ARL15: variants seen among roughly 807,000 people sequenced by gnomAD.
The protein encoded by ARL15 is ADP-ribosylation factor-like protein 15.
Under a neutral mutation model 25.2 loss-of-function variants are expected in ARL15, and 19 were observed. The observed-to-expected ratio is 0.75, with a 90% confidence interval of 0.53 to 1.10. The LOEUF (loss-of-function observed/expected upper bound fraction) is 1.10, where lower values mean the gene tolerates loss of function less well. Among genes scored for constraint, ARL15 ranks in the 50% least tolerant of loss-of-function variants. The pLI, the probability that ARL15 is intolerant of heterozygous loss-of-function variation, is 0.00. For synonymous variants in ARL15, 94 were observed against 86.8 expected, an observed-to-expected ratio of 1.08 and a Z score of -0.46; for missense variants, 220 against 246.0, an observed-to-expected ratio of 0.89 and a Z score of 0.71.
chr5:53,977,905 T>C (rs1047808316), intron 4 of ARL15, among the ~76,000 whole-genome samples: 1 of 149,514 alleles, frequency 6.7e-6, no homozygotes, highest in South Asian at 2.2e-4. Flanking sequence ...TTTTATAAAG[T>C]ATTTTATGTT....
intron 3 of ARL15, among the ~76,000 whole-genome samples, chr5:54,143,420 CT>C (rs1753822441): frequency 6.6e-6 from 1 of 151,232 alleles, no homozygotes; most frequent in African/African-American, 2.4e-5. Flanking sequence ...TTTTTATGGC[CT>C]TTTTTAAGGG....
intron 4 of ARL15, among the ~76,000 whole-genome samples, chr5:53,990,266 AT>A (rs1748441283): frequency 1.3e-5 from 2 of 151,948 alleles, no homozygotes; most frequent in Non-Finnish European, 2.9e-5. Context: ...AACACATCAT[AT>A]TGCTACAAAG....
chr5:53,923,797 G>A (rs1370894195), intron 4 of ARL15, among the ~76,000 whole-genome samples: 4 of 152,170 alleles, frequency 2.6e-5, no homozygotes, highest in South Asian at 2.1e-4. Context: ...CCCAGGAGGC[G>A]GAGTTTGCAG....
chr5:54,061,743 G>T lies in ARL15; in HGVS notation c.462+51459C>A, dbSNP rs545275023. 3.9e-5 allele frequency among the ~76,000 whole-genome samples: 6 copies of T among 152,308 alleles called. No homozygotes were observed. In the East Asian group the frequency reaches 1.2e-3, roughly 29 times the overall value. On this transcript the variant is annotated intron_variant, in intron 4 of 4. Coordinates refer to ENST00000504924, the MANE Select transcript of ARL15 (RefSeq NM_019087.3). The stretch of plus-strand genomic sequence containing the variant: ...GCTCTCATGGAGAACCTCTGCTAGG[G>T]CAGTGCAGAAGGGAAATGTGGGCTT...
At chr5:54,075,874 A>T (rs1216013618) in intron 4 of ARL15, among the ~76,000 whole-genome samples, 1 of 152,208 alleles carries the variant, frequency 6.6e-6, no homozygotes, top group Non-Finnish European at 1.5e-5. Flanking sequence ...AAATGTGGTA[A>T]AATGAAGAGT....
At chr5:54,048,364 TG>T (rs1750592061) in intron 4 of ARL15, 1 of 148,540 alleles carries the variant, frequency 6.7e-6, no homozygotes, top group South Asian at 2.1e-4. Context: ...ATCAAAATTT[TG>T]TATATTTATA....
intron 4 of ARL15, among the ~76,000 whole-genome samples, chr5:53,995,869 CT>C (rs966340367): frequency 6.6e-6 from 1 of 152,152 alleles, no homozygotes; most frequent in East Asian, 1.9e-4. Flanking sequence ...TTGGAAACCA[CT>C]GACCCAAAGA....
intron 4 of ARL15, among the ~76,000 whole-genome samples, chr5:54,021,671 T>TC (rs1440420920): frequency 1.3e-5 from 2 of 152,128 alleles, no homozygotes; most frequent in Non-Finnish European, 1.5e-5. Context: ...CACTGAAGTT[T>TC]CAGAGGGAAA....
intron 3 of ARL15, 107 bp from the exon 4 acceptor site, chr5:54,113,517 G>A (rs1752805513): frequency 9.7e-7 from 1 of 1,034,158 alleles, no homozygotes; most frequent in Non-Finnish European, 1.4e-6. Context: ...TAAAAATTAA[G>A]TGCTAAACTC....
intron 3 of ARL15, among the ~76,000 whole-genome samples, chr5:54,126,996 C>T (rs889395806): frequency 1.3e-5 from 2 of 152,084 alleles, no homozygotes; most frequent in African/African-American, 4.8e-5. Context: ...GCTATCCCTC[C>T]CCACTTCCCC....
Position 54,022,945 on chromosome 5 carries a change from C to T in ARL15, c.462+90257G>A, listed in dbSNP as rs1269721766. Reference sequence around the variant, plus strand: ...ACTGTCTGATGTGGTTCTCAATGTTCTCAAAGAGGAGATATAAAGAAGAAT... The same window carrying T: ...ACTGTCTGATGTGGTTCTCAATGTTTTCAAAGAGGAGATATAAAGAAGAAT... On this transcript the variant is annotated intron_variant, in intron 4 of 4. Coordinates refer to ENST00000504924, the MANE Select transcript of ARL15 (RefSeq NM_019087.3). Among the ~76,000 whole-genome samples, 3 of 151,986 alleles carry T rather than the reference C, an allele frequency of 2.0e-5. No individual in the cohort carries two copies. The East Asian group carries it at 5.8e-4, about 29-fold the overall frequency.
chr5:54,099,765 T>C (rs568065903), intron 4 of ARL15, among the ~76,000 whole-genome samples: 1 of 152,252 alleles, frequency 6.6e-6, no homozygotes, highest in South Asian at 2.1e-4. Flanking sequence ...AGACTCTCTA[T>C]GTGCTATGCC....
intron 1 of ARL15, among the ~76,000 whole-genome samples, chr5:54,291,973 G>T (rs1202114182): frequency 6.6e-6 from 1 of 152,254 alleles, no homozygotes; most frequent in African/African-American, 2.4e-5. Context: ...CCTATGAGCA[G>T]CTATACCACT....
chr5:54,287,551 C>T (rs1758213724), intron 1 of ARL15, among the ~76,000 whole-genome samples: 1 of 151,626 alleles, frequency 6.6e-6, no homozygotes, highest in Admixed American at 6.6e-5. Flanking sequence ...CTGAGGGCTG[C>T]TAATGCATGC....
intron 2 of ARL15, among the ~76,000 whole-genome samples, chr5:54,162,313 T>C (rs1754429004): frequency 1.3e-5 from 2 of 152,136 alleles, no homozygotes. Context: ...CTGCCTCCCA[T>C]GGCCAACTCA....
intron 4 of ARL15, among the ~76,000 whole-genome samples, chr5:53,907,481 T>TATATATAC (rs1554025286): frequency 1.7e-4 from 6 of 35,048 alleles, no homozygotes; most frequent in African/African-American, 8.0e-4. Context: ...TATATATATA[T>TATATATAC]ATATATATTT....
chr5:54,309,470 G>C (rs1458933610), intron 1 of ARL15, among the ~76,000 whole-genome samples: 2 of 152,180 alleles, frequency 1.3e-5, no homozygotes, highest in Non-Finnish European at 2.9e-5. Context: ...ATCTGCAGTC[G>C]AAAACCGAGT....
At chr5:53,939,439 A>G (rs974240446) in intron 4 of ARL15, among the ~76,000 whole-genome samples, 13 of 152,206 alleles carry the variant, frequency 8.5e-5, no homozygotes, top group Non-Finnish European at 1.8e-4. Flanking sequence ...TTTTGCAAAT[A>G]GCAAGTTAGA....
intron 3 of ARL15, among the ~76,000 whole-genome samples, chr5:54,142,387 A>T (rs557864223): frequency 6.6e-6 from 1 of 152,322 alleles, no homozygotes; most frequent in Admixed American, 6.5e-5. Flanking sequence ...AAAATAAAGG[A>T]TGCTCACAGC....
Sources: allele counts gnomAD v4.1 joint callset (sites outside exome capture counted in the v4.1 genomes callset), GRCh38; gene constraint gnomAD v4.1.1; transcripts MANE v1.5; gene names NCBI Gene and HGNC (gene_info 2026-07-23, HGNC 2026-07-21).